Variants in ALK observed in about 807,000 individuals in gnomAD.
The protein encoded by ALK is ALK tyrosine kinase receptor.
A neutral mutation model predicts 163.1 loss-of-function variants in ALK; 74 were observed. The ratio of observed to expected loss-of-function variants is 0.45; its 90% CI spans 0.38 to 0.55. The LOEUF is 0.55. Among genes scored for constraint, ALK ranks in the 20% least tolerant of loss-of-function variants. The pLI is 0.00. For missense variants in ALK, 2,063 were observed against 2,105.3 expected (o/e 0.98, Z 0.39); for synonymous variants, 960 against 843.2 (o/e 1.14, Z -2.40).
intron 3 of ALK, among the ~76,000 whole-genome samples, chr2:29,540,251 C>A (rs1424399459): frequency 6.6e-6 from 1 of 152,154 alleles, no homozygotes; most frequent in Non-Finnish European, 1.5e-5. Context: ...ATGTCACTTT[C>A]TGACAGGCCC....
intron 3 of ALK, among the ~76,000 whole-genome samples, chr2:29,597,294 AT>A (rs1157495522): frequency 6.6e-6 from 1 of 152,248 alleles, no homozygotes; most frequent in Non-Finnish European, 1.5e-5. Context: ...CTTCTCTTAA[AT>A]AGCTACTGTC....
intron 1 of ALK, among the ~76,000 whole-genome samples, chr2:29,914,458 C>T (rs1667780083): frequency 6.6e-6 from 1 of 152,178 alleles, no homozygotes; most frequent in Admixed American, 6.5e-5. Context: ...GCAGAGTGCA[C>T]AGCCTGCATG....
intron 18 of ALK, among the ~76,000 whole-genome samples, chr2:29,225,769 G>T (rs1663963665): frequency 6.6e-6 from 1 of 152,284 alleles, no homozygotes; most frequent in Non-Finnish European, 1.5e-5. Context: ...AGTAGCTTTT[G>T]GGTGAAGGGA....
chr2:29,550,470 T>C (rs1486763082), intron 3 of ALK, among the ~76,000 whole-genome samples: 2 of 152,212 alleles, frequency 1.3e-5, no homozygotes, highest in African/African-American at 2.4e-5. Flanking sequence ...CTTTGAGAAA[T>C]AATGGCTGTC....
At chr2:29,722,566 TA>T (rs1679452771) in intron 1 of ALK, among the ~76,000 whole-genome samples, 2 of 152,224 alleles carry the variant, frequency 1.3e-5, no homozygotes, top group Non-Finnish European at 2.9e-5. Context: ...GTGGGATCTT[TA>T]TTTTATTATT....
intron 4 of ALK, among the ~76,000 whole-genome samples, chr2:29,488,924 C>T (rs890275252): frequency 1.3e-5 from 2 of 152,146 alleles, no homozygotes; most frequent in Non-Finnish European, 2.9e-5. Context: ...CACCAGTAAT[C>T]ACTGGGGGAG....
chr2:29,464,491 G>A (rs762065860), intron 4 of ALK, among the ~76,000 whole-genome samples: 2 of 152,162 alleles, frequency 1.3e-5, no homozygotes, highest in Non-Finnish European at 2.9e-5. Context: ...ATAAAAGCAA[G>A]TGGTAGAACA....
Position 29,248,941 on chromosome 2 carries a change from T to C in ALK, c.2204+2164A>G, listed in dbSNP as rs972526016. On this transcript the variant is annotated intron_variant, in intron 12 of 28. Coordinates refer to ENST00000389048, the MANE Select transcript of ALK (RefSeq NM_004304.5). ...GGGGTCGGCGTGTTCTTGGAAACACTGCCTGCCTGCTGCCTGCTGCTGCAT... is the reference window on the plus strand; with the variant it reads ...GGGGTCGGCGTGTTCTTGGAAACACCGCCTGCCTGCTGCCTGCTGCTGCAT... Among the ~76,000 whole-genome samples the C allele has an allele frequency of 6.6e-5, 10 of 152,370 alleles. 1 individual carries two copies. Among genetic ancestry groups the C allele is most frequent in the Admixed American group, 6.5e-4 (10 of 15,312 alleles).
intron 1 of ALK, among the ~76,000 whole-genome samples, chr2:29,826,976 A>C (rs1665219578): frequency 6.6e-6 from 1 of 152,286 alleles, no homozygotes; most frequent in Non-Finnish European, 1.5e-5. Context: ...GTTTGCCTTC[A>C]GCTGCTGTAC....
intron 18 of ALK, among the ~76,000 whole-genome samples, chr2:29,226,474 G>A (rs1356679353): frequency 1.3e-5 from 1 of 75,136 alleles, no homozygotes; most frequent in African/African-American, 6.1e-5. Context: ...GTGAAACTCC[G>A]CCTCAAAAAA....
intron 3 of ALK, among the ~76,000 whole-genome samples, chr2:29,568,497 T>C (rs1159946125): frequency 6.6e-6 from 1 of 152,172 alleles, no homozygotes; most frequent in Non-Finnish European, 1.5e-5. Flanking sequence ...TCTAGTGTGC[T>C]TTCAGGTGGG....
chr2:29,251,292 C>T (rs1326727349), intron 11 of ALK, 25 bp from the exon 12 acceptor site: 15 of 1,608,832 alleles, frequency 9.3e-6, no homozygotes, highest in Non-Finnish European at 1.2e-5. Flanking sequence ...GAGAGGCAGT[C>T]ACTCATGTGG....
chr2:29,920,526 C>G lies in ALK; in HGVS notation c.134G>C (p.Ser45Thr), dbSNP rs2148443832. The change falls in exon 1 of 29, where the codon AGC becomes ACC. Residue 45 changes from serine (S) to threonine (T), a missense_variant. Around this residue, in one of 5 missense-constraint regions of ALK, gnomAD observed 987 missense variants for 939.5 expected, o/e 1.05. Transcript: ENST00000389048. ...GPPLQPREPL[S>T]YSRLQRKSLA... The stretch of plus-strand genomic sequence containing the variant: ...ACTCTTCCTCTGCAGGCGCGAGTAG[C>G]TGAGTGGCTCCCGGGGCTGCAGCGG... 3 of 1,611,496 alleles carry G rather than the reference C, an allele frequency of 1.9e-6. No individual in the cohort carries two copies. The highest frequency in any genetic ancestry group is 2.5e-6 in the Non-Finnish European group (3 of 1,179,378).
intron 3 of ALK, among the ~76,000 whole-genome samples, chr2:29,662,013 A>G (rs947527252): frequency 3.3e-5 from 5 of 152,024 alleles, no homozygotes; most frequent in African/African-American, 9.7e-5. Flanking sequence ...AGGTTCAAGC[A>G]ATTCTCCTGC....
intron 4 of ALK, among the ~76,000 whole-genome samples, chr2:29,474,309 T>C (rs1203807890): frequency 1.3e-5 from 2 of 152,170 alleles, no homozygotes; most frequent in African/African-American, 4.8e-5. Flanking sequence ...AGTCAAATAG[T>C]AATGATCTTT....
In ALK at chr2:29,275,503, A is replaced by G; in HGVS notation, c.1818-7T>C. ...GACCATCTGCAGCCAGAACCTGTAC[A>G]CATCAAGAGGAATGTGTGTGAGGAG... On this transcript the variant is annotated splice_region_variant and splice_polypyrimidine_tract_variant and intron_variant, in intron 9 of 28. Transcript: ENST00000389048. The G allele has an allele frequency of 6.2e-7, 1 of 1,613,988 alleles. No individual in the cohort carries two copies. The highest frequency in any genetic ancestry group is 8.5e-7 in the Non-Finnish European group (1 of 1,179,906).
chr2:29,459,913 T>C lies in ALK; in HGVS notation c.1154+72002A>G, dbSNP rs551805825. Among the ~76,000 whole-genome samples the C allele has an allele frequency of 2.2e-4, 34 of 152,294 alleles. 1 individual carries two copies. The South Asian group carries it at 4.8e-3, about 21-fold the overall frequency. ...CAGCTAAAAGCATTCCTGACTGATA[T>C]AGAAGTATTATAATGATTAAAATCC... On this transcript the variant is annotated intron_variant, in intron 4 of 28. Coordinates refer to ENST00000389048, the MANE Select transcript of ALK (RefSeq NM_004304.5).
intron 1 of ALK, among the ~76,000 whole-genome samples, chr2:29,868,587 C>T (rs1194372265): frequency 2.6e-5 from 4 of 152,048 alleles, no homozygotes; most frequent in Non-Finnish European, 5.9e-5. Flanking sequence ...AGGCAGTGAG[C>T]TATATAGATA....
intron 3 of ALK, among the ~76,000 whole-genome samples, chr2:29,693,920 T>A (rs1312660716): frequency 6.6e-6 from 1 of 152,198 alleles, no homozygotes; most frequent in Admixed American, 6.5e-5. Context: ...CCTGCCTCTC[T>A]CATTGAAATC....
Sources: gnomAD v4.1 joint callset for allele counts (sites outside exome capture counted in the v4.1 genomes callset) on GRCh38, gnomAD v4.1.1 for gene constraint, gnomAD v4.1.1 regional missense constraint, MANE v1.5 for transcripts, NCBI Gene and HGNC (gene_info 2026-07-23, HGNC 2026-07-21) for gene names.